RPTOR: variants seen among roughly 807,000 people sequenced by gnomAD.
RPTOR encodes the protein regulatory-associated protein of mTOR.
RPTOR carries 21 observed loss-of-function variants against 169.9 expected under a neutral mutation model. That is an observed-to-expected ratio of 0.12 (90% CI 0.09 to 0.18). The LOEUF (loss-of-function observed/expected upper bound fraction) is 0.18, where lower values mean the gene tolerates loss of function less well. Among genes scored for constraint, RPTOR ranks in the 10% least tolerant of loss-of-function variants. The pLI, the probability that RPTOR is intolerant of heterozygous loss-of-function variation, is 1.00. For synonymous variants in RPTOR, 732 were observed against 753.2 expected (o/e 0.97, Z 0.46); for missense variants, 1,133 against 1,855.9 (o/e 0.61, Z 7.16).
At chr17:80,665,339 TTTCC>T (rs1162542396) in intron 3 of RPTOR, among the ~76,000 whole-genome samples, 2 of 5,166 alleles carry the variant, frequency 3.9e-4, no homozygotes, top group African/African-American at 2.6e-3. Flanking sequence ...TTCCCTTTCC[TTTCC>T]TTTCCTTTCC....
In RPTOR at chr17:80,665,506, GTCCTT is replaced by G. The variant is rs1327653567; in HGVS notation, c.348+21710_348+21714del. On this transcript the variant is annotated intron_variant, in intron 3 of 33. Coordinates refer to ENST00000306801, the MANE Select transcript of RPTOR (RefSeq NM_020761.3). Reference sequence around the variant, plus strand: ...TCCTTTCCTTTCCTTTCCTTTCCATGTCCTTTCCTTTCCTTTCCATGTCCTTTCCT... The same window carrying G: ...TCCTTTCCTTTCCTTTCCTTTCCATGTCCTTTCCTTTCCATGTCCTTTCCT... 9.9e-4 allele frequency among the ~76,000 whole-genome samples: 18 copies of G among 18,118 alleles called. 4 individuals are homozygous for G. Among genetic ancestry groups the G allele is most frequent in the East Asian group, 5.4e-3 (4 of 746 alleles). 11.9% of individuals were successfully genotyped at this position (18,118 alleles called of 152,430 possible). A position where few individuals can be genotyped will look rare whatever the true frequency, so the allele number is the denominator to read the frequency against.
At chr17:80,670,970 G>A (rs1360660998) in intron 3 of RPTOR, among the ~76,000 whole-genome samples, 1 of 152,250 alleles carries the variant, frequency 6.6e-6, no homozygotes, top group South Asian at 2.1e-4. Flanking sequence ...TATCCTCGCC[G>A]GGGTCAGTGA....
intron 24 of RPTOR, among the ~76,000 whole-genome samples, chr17:80,934,998 G>A (rs1373124267): frequency 6.7e-6 from 1 of 148,564 alleles, no homozygotes; most frequent in Non-Finnish European, 1.5e-5. Flanking sequence ...ACCAGCCTGG[G>A]CAGCACTGCA....
chr17:80,568,424 G>A (rs941420539), intron 1 of RPTOR, among the ~76,000 whole-genome samples: 1 of 152,154 alleles, frequency 6.6e-6, no homozygotes. Flanking sequence ...TCTTGTTCCT[G>A]AAGTCTGCTG....
rs1001338265 is a variant in RPTOR, at chr17:80,573,590, A to G, written c.162+27799A>G. On this transcript the variant is annotated intron_variant, in intron 1 of 33. Coordinates refer to ENST00000306801, the MANE Select transcript of RPTOR (RefSeq NM_020761.3). The stretch of plus-strand genomic sequence containing the variant: ...ATTTGGTAGGTATATAAGAGTAAAA[A>G]TTATTTTTTATATTGCTTTATATGC... Among the ~76,000 whole-genome samples, 14 of 152,286 alleles carry G rather than the reference A, an allele frequency of 9.2e-5. No individual in the cohort carries two copies. In the South Asian group the frequency reaches 2.7e-3, roughly 29 times the overall value.
At chr17:80,946,949 A>G (rs557104946) in intron 26 of RPTOR, among the ~76,000 whole-genome samples, 1 of 152,306 alleles carries the variant, frequency 6.6e-6, no homozygotes, top group Admixed American at 6.5e-5. Flanking sequence ...CTGTGGCTCC[A>G]ATTTCCCACA....
intron 3 of RPTOR, among the ~76,000 whole-genome samples, chr17:80,668,532 G>A (rs2065798105): frequency 6.6e-6 from 1 of 152,182 alleles, no homozygotes; most frequent in Non-Finnish European, 1.5e-5. Context: ...CTCCTCACAA[G>A]CAGACAGCAA....
In RPTOR at chr17:80,949,522, C is replaced by T. The variant is rs2069146529; in HGVS notation, c.3345C>T (p.Leu1115=). The T allele has an allele frequency of 9.3e-6, 15 of 1,614,056 alleles. No homozygotes were observed. Among genetic ancestry groups the T allele is most frequent in the Non-Finnish European group, 1.3e-5 (15 of 1,180,026 alleles). ...AGATGGTGACCGCGTGGCAGGGGCT[C>T]TCGGACATGCTGCCAACGACGCGAG... ...NPEMVTAWQG[L]SDMLPTTRGA... Residue 1115 remains leucine (L), a synonymous_variant, in exon 28 of 34, where the codon CTC becomes CTT. Transcript: ENST00000306801.
chr17:80,887,295 G>A (rs1488534141), intron 17 of RPTOR, among the ~76,000 whole-genome samples: 6 of 131,628 alleles, frequency 4.6e-5, no homozygotes, highest in Non-Finnish European at 9.8e-5. Flanking sequence ...GTGCCACCTC[G>A]GGGGGTGCGC....
Position 80,866,242 on chromosome 17 carries a change from A to G in RPTOR, c.1509+8342A>G, listed in dbSNP as rs1307890152. Among the ~76,000 whole-genome samples, 4 of 151,276 alleles carry G rather than the reference A, an allele frequency of 2.6e-5. No homozygotes were observed. The East Asian group carries it at 7.7e-4, about 29-fold the overall frequency. On this transcript the variant is annotated intron_variant, in intron 13 of 33. Coordinates refer to ENST00000306801, the MANE Select transcript of RPTOR (RefSeq NM_020761.3). Reference sequence around the variant, plus strand: ...TGCATTAAATAAATACATTATATAAACATGTATATTAAGATATAAAATAAA... The same window carrying G: ...TGCATTAAATAAATACATTATATAAGCATGTATATTAAGATATAAAATAAA...
rs780134160 is a variant in RPTOR, at chr17:80,701,566, A to C, written c.349-6275A>C. Among the ~76,000 whole-genome samples, 4 of 152,304 alleles carry C rather than the reference A, an allele frequency of 2.6e-5. No homozygotes were observed. The East Asian group carries it at 7.7e-4, about 29-fold the overall frequency. ...CATCCTACTTGAGAAGGAGAGGGGTAGGGTGAAACTTTCACTAGACCCCAG... is the reference window on the plus strand; with the variant it reads ...CATCCTACTTGAGAAGGAGAGGGGTCGGGTGAAACTTTCACTAGACCCCAG... On this transcript the variant is annotated intron_variant, in intron 3 of 33. Transcript: ENST00000306801.
rs1385007976 is a variant in RPTOR, at chr17:80,845,876, G to A, written c.1213-597G>A. The stretch of plus-strand genomic sequence containing the variant: ...TCCTTATCTCGCCTGGCCCGGTGCT[G>A]GTTTGTGGCTCTGCCCTGGACGTTG... On this transcript the variant is annotated intron_variant, in intron 10 of 33. Coordinates refer to ENST00000306801, the MANE Select transcript of RPTOR (RefSeq NM_020761.3). This position sits in a 1 kb window ranked among gnomAD's most constrained non-coding sequence, Gnocchi z 5.4. Among the ~76,000 whole-genome samples the A allele has an allele frequency of 6.6e-6, 1 of 152,192 alleles. No individual in the cohort carries two copies. Among genetic ancestry groups the A allele is most frequent in the African/African-American group, 2.4e-5 (1 of 41,438 alleles).
intron 3 of RPTOR, among the ~76,000 whole-genome samples, chr17:80,691,016 A>G (rs1191378345): frequency 6.6e-6 from 1 of 152,018 alleles, no homozygotes; most frequent in Non-Finnish European, 1.5e-5. Context: ...ACTGGTTTTT[A>G]ATTCCTGGCC....
chr17:80,634,737 T>G (rs1368144383), intron 2 of RPTOR, among the ~76,000 whole-genome samples: 1 of 115,630 alleles, frequency 8.6e-6, no homozygotes, highest in East Asian at 2.3e-4. Flanking sequence ...GTGCGTACTG[T>G]GTGTGTGCAT....
rs553326493 is a variant in RPTOR at position 80,964,239 on chromosome 17, T to C, written c.3940-23T>C. 2.8e-5 allele frequency: 41 copies of C among 1,489,648 alleles called. No individual in the cohort carries two copies. In the East Asian group the frequency reaches 9.0e-4, roughly 33 times the overall value. The allele number at this position is 1,489,648 out of a possible 1,614,324, so 92.3% of individuals were successfully genotyped here. On this transcript the variant is annotated intron_variant, in intron 33 of 33. Coordinates refer to ENST00000306801, the MANE Select transcript of RPTOR (RefSeq NM_020761.3). ...TGTCTGCCCGCACCTGAACCCCTGC[T>C]CACCCCTTCTCTCTCCTTGCAGCCT...
Position 80,957,761 on chromosome 17 carries a change from G to C in RPTOR, c.3477+31G>C. The C allele has an allele frequency of 2.5e-6, 4 of 1,592,418 alleles. No homozygotes were observed. Among genetic ancestry groups the C allele is most frequent in the Non-Finnish European group, 3.4e-6 (4 of 1,160,784 alleles). On this transcript the variant is annotated intron_variant, in intron 29 of 33. Transcript: ENST00000306801. The surrounding 1 kb of genome is among the most constrained non-coding windows in gnomAD (Gnocchi z 4.6). ...CATGCAGGTGTCCCCCAAGCCCTGG[G>C]CCTGTGGGGCAGTGTGTGCAGGGCT...
chr17:80,908,656 C>T (rs1456152723), intron 20 of RPTOR, among the ~76,000 whole-genome samples, 155 bp from the exon 21 acceptor site: 2 of 152,184 alleles, frequency 1.3e-5, no homozygotes, highest in Admixed American at 6.5e-5. Flanking sequence ...TCTCGGGACC[C>T]GTTGCCAGAA....
At chr17:80,782,780 C>T (rs1190710290) in intron 6 of RPTOR, among the ~76,000 whole-genome samples, 1 of 152,218 alleles carries the variant, frequency 6.6e-6, no homozygotes, top group Non-Finnish European at 1.5e-5. Context: ...AGCTTGGCTT[C>T]CTTCAGGCAG....
intron 21 of RPTOR, among the ~76,000 whole-genome samples, chr17:80,913,166 A>T (rs2068632892): frequency 6.6e-6 from 1 of 152,176 alleles, no homozygotes; most frequent in African/African-American, 2.4e-5. Flanking sequence ...AACTGAAGGG[A>T]TTACATTTCA....
Sources: allele counts gnomAD v4.1 joint callset (sites outside exome capture counted in the v4.1 genomes callset), GRCh38; gene constraint gnomAD v4.1.1; non-coding constraint Gnocchi (gnomAD v3.1); transcripts MANE v1.5; gene names NCBI Gene and HGNC (gene_info 2026-07-23, HGNC 2026-07-21).